The following PDLIM5 variants were observed in gnomAD, a reference collection of about 807,000 sequenced individuals.
PDLIM5 encodes the protein PDZ and LIM domain protein 5.
PDLIM5 carries 34 observed loss-of-function variants against 64.2 expected under a neutral mutation model. The ratio of observed to expected loss-of-function variants is 0.53; its 90% CI spans 0.40 to 0.71. The LOEUF (loss-of-function observed/expected upper bound fraction) is 0.71, where lower values mean the gene tolerates loss of function less well. Among genes scored for constraint, PDLIM5 ranks in the 30% least tolerant of loss-of-function variants. PDLIM5 has a pLI of 0.00. For missense variants in PDLIM5, 683 were observed against 733.6 expected (o/e 0.93, Z 0.80); for synonymous variants, 253 against 269.1 (o/e 0.94, Z 0.59).
chr4:94,507,613 A>G lies in PDLIM5; in HGVS notation c.97-16111A>G, dbSNP rs555145493. On this transcript the variant is annotated intron_variant, in intron 2 of 12. Transcript: ENST00000317968. The stretch of plus-strand genomic sequence containing the variant: ...AAGATTACAGTAAAATATTGGTCTC[A>G]GCATTCAATAATTATCAACAGTTGG... 7.2e-5 allele frequency among the ~76,000 whole-genome samples: 11 copies of G among 152,338 alleles called. No individual in the cohort carries two copies. In the East Asian group the frequency reaches 2.1e-3, roughly 29 times the overall value.
In PDLIM5 at chr4:94,647,208, G is replaced by A. The variant is rs573686109; in HGVS notation, c.1283+6758G>A. 6.6e-5 allele frequency among the ~76,000 whole-genome samples: 10 copies of A among 152,172 alleles called. No homozygotes were observed. In the South Asian group the frequency reaches 2.1e-3, roughly 32 times the overall value. On this transcript the variant is annotated intron_variant, in intron 9 of 12. Coordinates refer to ENST00000317968, the MANE Select transcript of PDLIM5 (RefSeq NM_006457.5). ...ACACACTCCAGCTAAAAGAGAGAGT[G>A]GAAGGGTAGATAAAATTATGATCTA...
intron 3 of PDLIM5, among the ~76,000 whole-genome samples, chr4:94,530,563 CTTG>C (rs1306797718): frequency 7.2e-6 from 1 of 139,350 alleles, no homozygotes; most frequent in Admixed American, 6.9e-5. Context: ...TCTACTCTTC[CTTG>C]TTTTTATATT....
At chr4:94,476,093 A>G (rs1039285072) in intron 2 of PDLIM5, among the ~76,000 whole-genome samples, 1 of 152,224 alleles carries the variant, frequency 6.6e-6, no homozygotes, top group African/African-American at 2.4e-5. Flanking sequence ...TGTCATAAAT[A>G]TAATTCATGC....
chr4:94,478,890 GTTTTTTTTTTT>G (rs67013211), intron 2 of PDLIM5, among the ~76,000 whole-genome samples: 46 of 94,084 alleles, frequency 4.9e-4, no homozygotes, highest in African/African-American at 1.7e-3. Context: ...TGTGCTTGGT[GTTTTTTTTTTT>G]TTTTTTTTTT....
intron 8 of PDLIM5, among the ~76,000 whole-genome samples, chr4:94,619,364 T>TC (rs1553970035): frequency 2.0e-5 from 3 of 150,884 alleles, no homozygotes; most frequent in African/African-American, 4.9e-5. Flanking sequence ...TTTTTTTTTT[T>TC]CCACGGTGGC....
chr4:94,585,099 G>C, intron 5 of PDLIM5: 1 of 711,872 alleles, frequency 1.4e-6, no homozygotes, highest in Non-Finnish European at 2.4e-6. Flanking sequence ...TTTTTGTTTT[G>C]TTTTTTTGTG....
At chr4:94,650,806 T>G (rs1046978342) in intron 9 of PDLIM5, among the ~76,000 whole-genome samples, 1 of 152,090 alleles carries the variant, frequency 6.6e-6, no homozygotes, top group Non-Finnish European at 1.5e-5. Context: ...ACCTTTCCTT[T>G]CTTCCCCCCA....
At chr4:94,655,420 C>G (rs550513146) in intron 10 of PDLIM5, among the ~76,000 whole-genome samples, 1 of 152,242 alleles carries the variant, frequency 6.6e-6, no homozygotes, top group South Asian at 2.1e-4. Context: ...CTCTAATATA[C>G]TCTCAATGTG....
intron 2 of PDLIM5, chr4:94,456,557 A>C (rs1207615508): frequency 1.4e-6 from 1 of 719,414 alleles, no homozygotes; most frequent in Admixed American, 2.0e-5. Context: ...ATTCTCTATT[A>C]ATATATAAGG....
chr4:94,622,927 C>T (rs190686319), intron 8 of PDLIM5, among the ~76,000 whole-genome samples: 1 of 152,186 alleles, frequency 6.6e-6, no homozygotes, highest in African/African-American at 2.4e-5. Context: ...CCCCGGCCTC[C>T]CAAAGTGCTG....
rs1553940971 is a variant in PDLIM5, at chr4:94,494,432, G to GGTTTTTTTTTT, written c.97-29292_97-29291insGTTTTTTTTTT. Among the ~76,000 whole-genome samples the GGTTTTTTTTTT allele has an allele frequency of 1.5e-3, 108 of 70,756 alleles. 9 individuals carry two copies. Among genetic ancestry groups the GGTTTTTTTTTT allele is most frequent in the Non-Finnish European group, 2.0e-3 (73 of 36,252 alleles). 46.4% of individuals were successfully genotyped at this position (70,756 alleles called of 152,430 possible). A position where few individuals can be genotyped will look rare whatever the true frequency, so the allele number is the denominator to read the frequency against. On this transcript the variant is annotated intron_variant, in intron 2 of 12. Transcript: ENST00000317968. The stretch of plus-strand genomic sequence containing the variant: ...AGCATTCACTAATTTTTTTTTTCTT[G>GGTTTTTTTTTT]TTTTTTTTTTTTTTTTTTTTTTTTG...
intron 7 of PDLIM5, among the ~76,000 whole-genome samples, chr4:94,611,504 A>G (rs1052224981): frequency 6.6e-6 from 1 of 152,226 alleles, no homozygotes; most frequent in East Asian, 1.9e-4. Flanking sequence ...CTTTCATTGC[A>G]TGGATATAGC....
intron 2 of PDLIM5, among the ~76,000 whole-genome samples, chr4:94,506,656 G>A (rs566231391): frequency 1.3e-5 from 2 of 152,316 alleles, no homozygotes; most frequent in South Asian, 4.1e-4. Flanking sequence ...ATTTTGGAGG[G>A]AATAAACATT....
chr4:94,457,830 A>C (rs1283796062), intron 2 of PDLIM5, among the ~76,000 whole-genome samples: 1 of 152,194 alleles, frequency 6.6e-6, no homozygotes, highest in African/African-American at 2.4e-5. Flanking sequence ...ACAGAGTGCT[A>C]ATTAAAGGAT....
Position 94,526,797 on chromosome 4 carries a change from A to C in PDLIM5, c.248+2922A>C, listed in dbSNP as rs186672023. On this transcript the variant is annotated intron_variant, in intron 3 of 12. Coordinates refer to ENST00000317968, the MANE Select transcript of PDLIM5 (RefSeq NM_006457.5). ...CCCAGGCTGGAGTGCAGTTGGCACC[A>C]TCTCAGCTCACTGCAACCTCCACCT... Among the ~76,000 whole-genome samples, 561 of 149,786 alleles carry C rather than the reference A, an allele frequency of 3.7e-3. 7 individuals carry two copies. Among genetic ancestry groups the C allele is most frequent in the Non-Finnish European group, 3.7e-3 (250 of 67,698 alleles).
At chr4:94,586,320 T>A in intron 6 of PDLIM5, 88 bp from the exon 7 acceptor site, 1 of 712,916 alleles carries the variant, frequency 1.4e-6, no homozygotes, top group South Asian at 1.7e-5. Context: ...AGTTGAACAT[T>A]TGATATTGAT....
chr4:94,476,706 G>T (rs1159414477), intron 2 of PDLIM5, among the ~76,000 whole-genome samples: 3 of 152,108 alleles, frequency 2.0e-5, no homozygotes, highest in Non-Finnish European at 4.4e-5. Flanking sequence ...GTTTAGAGGA[G>T]ATGTAACAAA....
chr4:94,553,902 T>C (rs984553552), intron 3 of PDLIM5, among the ~76,000 whole-genome samples: 6 of 152,224 alleles, frequency 3.9e-5, no homozygotes, highest in Non-Finnish European at 8.8e-5. Context: ...GTGAAAATAT[T>C]TTCTGAAATA....
chr4:94,488,220 G>C (rs890884814), intron 2 of PDLIM5, among the ~76,000 whole-genome samples: 2 of 152,174 alleles, frequency 1.3e-5, no homozygotes, highest in Non-Finnish European at 2.9e-5. Flanking sequence ...AATGTTTGTG[G>C]AAAGTACTTT....
Sources: allele counts gnomAD v4.1 joint callset (sites outside exome capture counted in the v4.1 genomes callset), GRCh38; gene constraint gnomAD v4.1.1; transcripts MANE v1.5; gene names NCBI Gene and HGNC (gene_info 2026-07-23, HGNC 2026-07-21).